GPHN: variants seen among roughly 807,000 people sequenced by gnomAD.
The protein encoded by GPHN is gephyrin.
Under a neutral mutation model 95.5 loss-of-function variants are expected in GPHN, and 17 were observed. The ratio of observed to expected loss-of-function variants is 0.18; its 90% confidence interval spans 0.12 to 0.27. GPHN has a LOEUF of 0.27. Among genes scored for constraint, GPHN ranks in the 10% least tolerant of loss-of-function variants. The pLI, the probability that GPHN is intolerant of heterozygous loss-of-function variation, is 1.00. For missense variants in GPHN, 660 were observed against 978.1 expected (o/e 0.67, Z 4.34); for synonymous variants, 320 against 322.5 (o/e 0.99, Z 0.08).
At chr14:66,936,789 TA>T (rs2067153419) in intron 8 of GPHN, among the ~76,000 whole-genome samples, 1 of 152,220 alleles carries the variant, frequency 6.6e-6, no homozygotes, top group African/African-American at 2.4e-5. Context: ...GGAATGAATT[TA>T]TAAATAGAAA....
At chr14:67,389,161 T>C in the GPHN span, among the ~76,000 whole-genome samples, 16 of 151,980 alleles carry the variant, frequency 1.1e-4, no homozygotes, top group Non-Finnish European at 2.1e-4. Context: ...AATTAATCAA[T>C]AATCAACTTC....
chr14:67,319,025 T>C, the GPHN span, among the ~76,000 whole-genome samples: 1 of 149,962 alleles, frequency 6.7e-6, no homozygotes, highest in East Asian at 2.0e-4. Flanking sequence ...GCCACTGCAC[T>C]CCAGCCTGGG....
the GPHN span, among the ~76,000 whole-genome samples, chr14:67,326,105 G>A: frequency 2.0e-5 from 3 of 150,178 alleles, no homozygotes; most frequent in Non-Finnish European, 4.4e-5. Flanking sequence ...GATTACAGGC[G>A]TGAGCCACCG....
the GPHN span, chr14:67,348,970 A>G: frequency 6.8e-7 from 1 of 1,459,912 alleles, no homozygotes; most frequent in Non-Finnish European, 9.6e-7. Flanking sequence ...CTTGCTGTAT[A>G]AACAGGTTAA....
At chr14:66,550,516 G>A (rs1182718344) in intron 1 of GPHN, among the ~76,000 whole-genome samples, 6 of 152,216 alleles carry the variant, frequency 3.9e-5, no homozygotes, top group Admixed American at 6.5e-5. Context: ...TGACAACAAA[G>A]GGTTTTAATT....
At chr14:67,625,585 C>G in the GPHN span, among the ~76,000 whole-genome samples, 1 of 146,712 alleles carries the variant, frequency 6.8e-6, no homozygotes. Context: ...GAGGCTGAGG[C>G]AGGAGAATTG....
At chr14:67,033,303 C>A (rs189192020) in intron 10 of GPHN, among the ~76,000 whole-genome samples, 171 of 152,224 alleles carry the variant, frequency 1.1e-3, no homozygotes, top group Admixed American at 1.8e-3. Context: ...GTGGTTCACA[C>A]CTGTAATCCC....
the GPHN span, chr14:67,359,691 C>G: frequency 3.1e-6 from 5 of 1,614,022 alleles, no homozygotes; most frequent in Non-Finnish European, 4.2e-6. Flanking sequence ...TCGGTCTTTG[C>G]CCGACATTCT....
chr14:66,649,832 T>A (rs1265173196), intron 1 of GPHN, among the ~76,000 whole-genome samples: 1 of 152,164 alleles, frequency 6.6e-6, no homozygotes, highest in East Asian at 1.9e-4. Flanking sequence ...GTACTTCAAT[T>A]GTACAGCTGC....
rs569406912 is a variant in GPHN, at chr14:66,685,314, A to G, written c.143+4129A>G. Among the ~76,000 whole-genome samples the G allele has an allele frequency of 3.9e-3, 595 of 152,340 alleles. 5 individuals are homozygous for G. The highest frequency in any genetic ancestry group is 0.014 in the African/African-American group (572 of 41,578). ...TGGTATTTCTAGTTCTAGATCCCTG[A>G]GGAATCGCCACACTGTCTTCCACAA... On this transcript the variant is annotated intron_variant, in intron 2 of 22. Coordinates refer to ENST00000478722, the MANE Select transcript of GPHN (RefSeq NM_020806.5).
rs766179708 is a variant in GPHN, at chr14:66,824,577, A to G, written c.294+11A>G. On this transcript the variant is annotated intron_variant, in intron 4 of 22. Transcript: ENST00000478722. ...GATGTCACTCCAGAGGTGAGATAGT[A>G]CATGCCTTTTCATATTCAAGGATTA... 2.5e-5 allele frequency: 31 copies of G among 1,225,714 alleles called. No individual in the cohort carries two copies. In the South Asian group the frequency reaches 3.6e-4, roughly 14 times the overall value. 75.9% of individuals were successfully genotyped at this position (1,225,714 alleles called of 1,614,324 possible).
At chr14:67,024,560 G>C (rs1405555982) in intron 10 of GPHN, among the ~76,000 whole-genome samples, 4 of 152,172 alleles carry the variant, frequency 2.6e-5, no homozygotes, top group Non-Finnish European at 5.9e-5. Context: ...TCCTGGTTAT[G>C]CTTTATTACA....
At chr14:67,557,858 G>C in the GPHN span, among the ~76,000 whole-genome samples, 2 of 152,212 alleles carry the variant, frequency 1.3e-5, no homozygotes, top group Non-Finnish European at 2.9e-5. Flanking sequence ...TTCTGGCCTT[G>C]TCGTGCCCTG....
chr14:67,619,797 T>G, the GPHN span: 2 of 548,348 alleles, frequency 3.6e-6, no homozygotes, highest in Non-Finnish European at 6.4e-6. Flanking sequence ...GGGCGGGGCC[T>G]GCGAAGAAGG....
chr14:67,714,361 T>C, the GPHN span, among the ~76,000 whole-genome samples: 1 of 152,166 alleles, frequency 6.6e-6, no homozygotes, highest in Non-Finnish European at 1.5e-5. Context: ...GGTCTCAAAC[T>C]CCTTGCCTCA....
At chr14:67,691,179 C>T in the GPHN span, 1 of 1,614,058 alleles carries the variant, frequency 6.2e-7, no homozygotes, top group East Asian at 2.2e-5. Flanking sequence ...AAGCCATCTG[C>T]TGTCTTCGAG....
At chr14:67,608,508 A>G in the GPHN span, among the ~76,000 whole-genome samples, 2 of 152,170 alleles carry the variant, frequency 1.3e-5, no homozygotes, top group East Asian at 3.9e-4. Flanking sequence ...ACTAATACAG[A>G]GGGACAACTG....
chr14:67,701,393 T>TA, the GPHN span, among the ~76,000 whole-genome samples: 480 of 150,922 alleles, frequency 3.2e-3, 17 homozygotes, highest in East Asian at 0.079. Context: ...CATATACATT[T>TA]AAAAAAATTT....
chr14:67,504,464 T>G, the GPHN span, among the ~76,000 whole-genome samples: 55 of 151,542 alleles, frequency 3.6e-4, no homozygotes, highest in African/African-American at 1.2e-3. Flanking sequence ...TTTAAGTCAG[T>G]TTTTTTTTCA....
Sources: gnomAD v4.1 joint callset for allele counts (sites outside exome capture counted in the v4.1 genomes callset) on GRCh38, gnomAD v4.1.1 for gene constraint, MANE v1.5 for transcripts, NCBI Gene and HGNC (gene_info 2026-07-23, HGNC 2026-07-21) for gene names.